Variants in CEP164 observed in about 807,000 individuals in gnomAD.
The protein encoded by CEP164 is centrosomal protein of 164 kDa.
A neutral mutation model predicts 182.7 loss-of-function variants in CEP164; 162 were observed. The observed-to-expected ratio is 0.89, with a 90% confidence interval of 0.78 to 1.01. The LOEUF is 1.01. Among genes scored for constraint, CEP164 ranks in the 50% least tolerant of loss-of-function variants. The pLI is 0.00. For missense variants in CEP164, 1,735 were observed against 1,790.4 expected, an observed-to-expected ratio of 0.97 and a Z score of 0.56; for synonymous variants, 661 against 690.0, an observed-to-expected ratio of 0.96 and a Z score of 0.66.
At chr11:117,389,816 T>C (rs897307478) in intron 15 of CEP164, among the ~76,000 whole-genome samples, 3 of 151,920 alleles carry the variant, frequency 2.0e-5, no homozygotes, top group Admixed American at 6.6e-5. Context: ...TGAAAGAATG[T>C]GGAATCTGGT....
At chr11:117,331,321 A>AT (rs1373363928) in intron 1 of CEP164, among the ~76,000 whole-genome samples, 1 of 152,156 alleles carries the variant, frequency 6.6e-6, no homozygotes, top group Non-Finnish European at 1.5e-5. Context: ...ACCAGGGAAC[A>AT]TTTTTTTAGA....
intron 1 of CEP164, among the ~76,000 whole-genome samples, chr11:117,322,409 C>G (rs186301291): frequency 6.6e-6 from 1 of 152,134 alleles, no homozygotes; most frequent in Non-Finnish European, 1.5e-5. Context: ...CCACCGCGCC[C>G]GGCCCACATT....
chr11:117,375,670 AGAGG>A, intron 10 of CEP164, 34 bp from the exon 11 acceptor site: 1 of 1,591,742 alleles, frequency 6.3e-7, no homozygotes, highest in Non-Finnish European at 8.6e-7. Flanking sequence ...TGACTGTGAC[AGAGG>A]CAGAGTTGAC....
chr11:117,402,568 G>A (rs576497458), intron 27 of CEP164, among the ~76,000 whole-genome samples: 3 of 152,302 alleles, frequency 2.0e-5, no homozygotes, highest in African/African-American at 7.2e-5. Context: ...ACTGTGGTCT[G>A]AGAGACTGTT....
chr11:117,369,410 G>A (rs1004164593), intron 8 of CEP164, among the ~76,000 whole-genome samples: 4 of 152,198 alleles, frequency 2.6e-5, no homozygotes, highest in African/African-American at 9.6e-5. Context: ...TTGAGCCTGG[G>A]CAGCCTCTGT....
At chr11:117,370,225 C>T (rs528975122) in intron 8 of CEP164, among the ~76,000 whole-genome samples, 3 of 152,288 alleles carry the variant, frequency 2.0e-5, no homozygotes, top group East Asian at 1.9e-4. Flanking sequence ...CGGCAGTGCT[C>T]GGTGAGGATG....
chr11:117,356,463 A>G, intron 5 of CEP164: 1 of 1,279,244 alleles, frequency 7.8e-7, no homozygotes, highest in Non-Finnish European at 1.0e-6. Flanking sequence ...CTGCTGGAAC[A>G]TCCTCAGGAG....
chr11:117,355,321 G>A (rs538553309), intron 5 of CEP164: 1 of 1,289,876 alleles, frequency 7.8e-7, no homozygotes, highest in Admixed American at 2.3e-5. Context: ...AGCTGGAAAT[G>A]AGAAGCAGGC....
At chr11:117,397,481 C>T (rs983811025) in intron 27 of CEP164, among the ~76,000 whole-genome samples, 168 bp downstream of exon 27, 10 of 152,340 alleles carry the variant, frequency 6.6e-5, no homozygotes, top group African/African-American at 2.4e-4. Context: ...AGTATGCAAA[C>T]ACCTTTTCTA....
chr11:117,397,338 C>T, intron 27 of CEP164, 25 bp downstream of exon 27: 1 of 1,598,806 alleles, frequency 6.3e-7, no homozygotes, highest in East Asian at 2.2e-5. Flanking sequence ...GAAGGGCCTG[C>T]CAGCCCTGTG....
intron 5 of CEP164, among the ~76,000 whole-genome samples, chr11:117,357,976 A>G (rs929805845): frequency 6.6e-6 from 1 of 152,136 alleles, no homozygotes; most frequent in Non-Finnish European, 1.5e-5. Flanking sequence ...TTCAGAAGTC[A>G]AGTTGGATCA....
intron 11 of CEP164, among the ~76,000 whole-genome samples, chr11:117,379,013 C>G (rs2043035805): frequency 6.6e-6 from 1 of 152,172 alleles, no homozygotes; most frequent in Non-Finnish European, 1.5e-5. Context: ...GGGCCTGTCA[C>G]CTCGACAGGT....
At chr11:117,351,325 C>G (rs2039597496) in intron 4 of CEP164, among the ~76,000 whole-genome samples, 1 of 152,158 alleles carries the variant, frequency 6.6e-6, no homozygotes. Flanking sequence ...ATTATTACTT[C>G]TTATGAGTTT....
intron 9 of CEP164, among the ~76,000 whole-genome samples, chr11:117,373,545 G>T (rs1332802454): frequency 6.6e-6 from 1 of 152,190 alleles, no homozygotes; most frequent in Non-Finnish European, 1.5e-5. Context: ...TCAGCGGGCT[G>T]CCCAGCCCCA....
chr11:117,330,620 G>C (rs1207741826), intron 1 of CEP164, among the ~76,000 whole-genome samples: 1 of 152,060 alleles, frequency 6.6e-6, no homozygotes, highest in Non-Finnish European at 1.5e-5. Flanking sequence ...TTGCACCCCA[G>C]CCTGGGTGAC....
chr11:117,382,271 C>T (rs1350510805), intron 13 of CEP164, among the ~76,000 whole-genome samples: 1 of 152,158 alleles, frequency 6.6e-6, no homozygotes, highest in Non-Finnish European at 1.5e-5. Flanking sequence ...CTACCAGCAC[C>T]CCTGTTTCCA....
chr11:117,366,410 C>T (rs1003254918), intron 8 of CEP164, among the ~76,000 whole-genome samples: 2 of 152,140 alleles, frequency 1.3e-5, no homozygotes, highest in African/African-American at 4.8e-5. Context: ...TTCTCGTCTC[C>T]TCCCTCCTCT....
At chr11:117,369,560 G>T (rs998375936) in intron 8 of CEP164, among the ~76,000 whole-genome samples, 8 of 152,196 alleles carry the variant, frequency 5.3e-5, no homozygotes, top group African/African-American at 1.9e-4. Context: ...CTTTAACAGA[G>T]CATCAATAAA....
Position 117,373,796 on chromosome 11 carries a change from T to G in CEP164, c.1198T>G (p.Ser400Ala). Residue 400 changes from serine to alanine, a missense_variant, in exon 10 of 33, where the codon TCC (serine) becomes GCC (alanine). Ser to Ala is a moderately conservative substitution (Grantham distance 99). Coordinates refer to ENST00000278935, the MANE Select transcript of CEP164 (RefSeq NM_014956.5). ...CATGAAGGAACCACAGCTCTCAGACTCCATAGCTTCTGACCCCAAGTCCTT... is the reference window on the plus strand; with the variant it reads ...CATGAAGGAACCACAGCTCTCAGACGCCATAGCTTCTGACCCCAAGTCCTT... ...EHMKEPQLSD[S>A]IASDPKSFHG... The G allele has an allele frequency of 1.2e-6, 2 of 1,614,166 alleles. No homozygotes were observed. Among genetic ancestry groups the G allele is most frequent in the East Asian group, 4.5e-5 (2 of 44,882 alleles).
Sources: allele counts gnomAD v4.1 joint callset (sites outside exome capture counted in the v4.1 genomes callset), GRCh38; gene constraint gnomAD v4.1.1; transcripts MANE v1.5; gene names NCBI Gene and HGNC (gene_info 2026-07-23, HGNC 2026-07-21).